FUT9: variants seen among roughly 807,000 people sequenced by gnomAD.
The protein encoded by FUT9 is 4-galactosyl-N-acetylglucosaminide 3-alpha-L-fucosyltransferase 9.
A neutral mutation model predicts 29.7 loss-of-function variants in FUT9; 15 were observed. The observed-to-expected ratio is 0.51, with a 90% CI of 0.34 to 0.78. The LOEUF (loss-of-function observed/expected upper bound fraction) is 0.78, where lower values mean the gene tolerates loss of function less well. FUT9 is among the 30% of genes least tolerant of loss of function. FUT9 has a pLI of 0.01. For synonymous variants in FUT9, 169 were observed against 153.7 expected (o/e 1.10, Z -0.74); for missense variants, 319 against 425.4 (o/e 0.75, Z 2.20).
chr6:96,055,843 C>A (rs1770756738), intron 1 of FUT9, among the ~76,000 whole-genome samples: 1 of 151,646 alleles, frequency 6.6e-6, no homozygotes, highest in Non-Finnish European at 1.5e-5. Flanking sequence ...CTGACCCTGG[C>A]CGGACTCTAG....
At chr6:96,061,602 T>C (rs917777942) in intron 1 of FUT9, among the ~76,000 whole-genome samples, 11 of 152,138 alleles carry the variant, frequency 7.2e-5, no homozygotes, top group African/African-American at 2.2e-4. Flanking sequence ...ATGCTTTTTA[T>C]ATTTTTTTCT....
chr6:96,042,752 A>G (rs1770486008), intron 1 of FUT9, among the ~76,000 whole-genome samples: 1 of 152,154 alleles, frequency 6.6e-6, no homozygotes, highest in Admixed American at 6.5e-5. Flanking sequence ...ATTGAGTTTT[A>G]TAGATGTATT....
chr6:96,075,359 A>C (rs1364623364), intron 1 of FUT9, among the ~76,000 whole-genome samples: 1 of 152,058 alleles, frequency 6.6e-6, no homozygotes, highest in Non-Finnish European at 1.5e-5. Flanking sequence ...TACCAAGAAA[A>C]CTTGAGAAAC....
intron 2 of FUT9, among the ~76,000 whole-genome samples, chr6:96,188,110 C>G (rs1283663618): frequency 6.6e-6 from 1 of 152,082 alleles, no homozygotes; most frequent in Non-Finnish European, 1.5e-5. Flanking sequence ...AGAAAGAGAA[C>G]AGACAGGGAA....
At chr6:96,113,770 C>G (rs1039108129) in intron 1 of FUT9, among the ~76,000 whole-genome samples, 2 of 150,660 alleles carry the variant, frequency 1.3e-5, no homozygotes, top group African/African-American at 4.9e-5. Flanking sequence ...CGGAGAATGT[C>G]GTGAACCAGG....
At position 96,150,784 on chromosome 6, in the gene FUT9, A is replaced by T. The variant is rs1262467507; in HGVS notation, c.-9+36657A>T. Among the ~76,000 whole-genome samples the T allele has an allele frequency of 4.6e-5, 7 of 152,314 alleles. No homozygotes were observed. In the East Asian group the frequency reaches 1.4e-3, roughly 29 times the overall value. The stretch of plus-strand genomic sequence containing the variant: ...GTGGATCTGTGAACAGTTAAAACCT[A>T]TTACATGAGCTGTGTGGAGCTGACC... On this transcript the variant is annotated intron_variant, in intron 2 of 2. Transcript: ENST00000302103.
intron 2 of FUT9, among the ~76,000 whole-genome samples, chr6:96,176,927 A>T (rs1773214952): frequency 6.6e-6 from 1 of 152,074 alleles, no homozygotes; most frequent in Non-Finnish European, 1.5e-5. Context: ...TCATCACATT[A>T]TGGCAATCCC....
chr6:96,130,776 T>G lies in FUT9; in HGVS notation c.-9+16649T>G, dbSNP rs76335168. Among the ~76,000 whole-genome samples the G allele has an allele frequency of 5.0e-3, 756 of 152,346 alleles. 5 individuals carry two copies. Among genetic ancestry groups the G allele is most frequent in the African/African-American group, 0.018 (731 of 41,586 alleles). On this transcript the variant is annotated intron_variant, in intron 2 of 2. Transcript: ENST00000302103. ...TTGGCAATAGAAAAAGTGATCATTA[T>G]TCTTCTGACTCATTCTAAAACTCTT...
At chr6:96,063,448 A>T (rs1770910338) in intron 1 of FUT9, among the ~76,000 whole-genome samples, 1 of 152,084 alleles carries the variant, frequency 6.6e-6, no homozygotes, top group Admixed American at 6.6e-5. Flanking sequence ...CAACAATCAG[A>T]TCTCATGTGA....
intron 1 of FUT9, among the ~76,000 whole-genome samples, chr6:96,033,911 TAC>T (rs916370047): frequency 8.0e-5 from 12 of 150,724 alleles, no homozygotes; most frequent in Middle Eastern, 3.4e-3. Context: ...TATACACAAA[TAC>T]ACACACACAC....
chr6:96,024,225 T>A (rs1770123341), intron 1 of FUT9, among the ~76,000 whole-genome samples: 1 of 151,852 alleles, frequency 6.6e-6, no homozygotes, highest in Admixed American at 6.6e-5. Context: ...GATTCCCTTA[T>A]TTTCCTGAAA....
chr6:96,202,389 A>G (rs979670564), intron 2 of FUT9, among the ~76,000 whole-genome samples: 5 of 152,108 alleles, frequency 3.3e-5, no homozygotes, highest in Non-Finnish European at 7.4e-5. Context: ...TATGTAAGTG[A>G]GAACGTTTTT....
Position 96,204,000 on chromosome 6 carries a change from C to T in FUT9, c.845C>T (p.Pro282Leu). ...AGGGAAAACTATGAGAATTATATTC[C>T]AGCAGATTCATTCATTCATGTGGAA... is the stretch of plus-strand genomic sequence containing the variant. ...PSRENYENYI[P>L]ADSFIHVEDY... The change falls in exon 3 of 3, where the codon CCA (proline) becomes CTA (leucine). Residue 282 changes from proline to leucine, a missense_variant. Coordinates refer to ENST00000302103, the MANE Select transcript of FUT9 (RefSeq NM_006581.4). The T allele has an allele frequency of 6.2e-7, 1 of 1,610,194 alleles. No individual in the cohort carries two copies. The highest frequency in any genetic ancestry group is 8.5e-7 in the Non-Finnish European group (1 of 1,178,780).
intron 1 of FUT9, among the ~76,000 whole-genome samples, chr6:96,062,842 C>CAAAACAACAAAAAGATCA (rs1381518482): frequency 6.7e-6 from 1 of 149,674 alleles, no homozygotes; most frequent in Non-Finnish European, 1.5e-5. Flanking sequence ...AAAACAACAA[C>CAAAACAACAAAAAGATCA]AAAACAACAA....
At chr6:96,139,826 C>T (rs67896668) in intron 2 of FUT9, among the ~76,000 whole-genome samples, 26,421 of 151,998 alleles carry the variant, frequency 0.17, 2,682 homozygotes, top group East Asian at 0.31. Context: ...TGTCCTGAGG[C>T]TGCATAGAGT....
At chr6:96,193,150 C>A in intron 2 of FUT9, among the ~76,000 whole-genome samples, 1 of 146,552 alleles carries the variant, frequency 6.8e-6, no homozygotes, top group Non-Finnish European at 1.5e-5. Context: ...TGGGCAAGGA[C>A]TTCATGTCTA....
At chr6:96,098,042 A>G (rs373006888) in intron 1 of FUT9, among the ~76,000 whole-genome samples, 1 of 151,950 alleles carries the variant, frequency 6.6e-6, no homozygotes, top group Non-Finnish European at 1.5e-5. Context: ...GGGTCAGGCT[A>G]TTTGTCTAAG....
intron 1 of FUT9, among the ~76,000 whole-genome samples, chr6:96,038,032 G>T (rs1770393564): frequency 6.6e-6 from 1 of 152,166 alleles, no homozygotes; most frequent in South Asian, 2.1e-4. Context: ...CAGGTGTGTG[G>T]TGCCTTGAAC....
At chr6:96,085,129 A>C (rs1298471180) in intron 1 of FUT9, among the ~76,000 whole-genome samples, 1 of 152,212 alleles carries the variant, frequency 6.6e-6, no homozygotes, top group African/African-American at 2.4e-5. Flanking sequence ...AAAGTGTATA[A>C]GCAAACATTA....
Sources: gnomAD v4.1 joint callset for allele counts (sites outside exome capture counted in the v4.1 genomes callset) on GRCh38, gnomAD v4.1.1 for gene constraint, MANE v1.5 for transcripts, NCBI Gene and HGNC (gene_info 2026-07-23, HGNC 2026-07-21) for gene names.